Variants in CNTNAP2 observed in about 807,000 individuals in gnomAD.
CNTNAP2 encodes the protein contactin-associated protein-like 2.
CNTNAP2 carries 98 observed loss-of-function variants against 155.2 expected under a neutral mutation model. The observed-to-expected ratio is 0.63, with a 90% CI of 0.54 to 0.75. CNTNAP2 has a LOEUF of 0.75. Among genes scored for constraint, CNTNAP2 ranks in the 30% least tolerant of loss-of-function variants. The pLI, the probability that CNTNAP2 is intolerant of heterozygous loss-of-function variation, is 0.00. For synonymous variants in CNTNAP2, 651 were observed against 631.2 expected (o/e 1.03, Z -0.47); for missense variants, 1,727 against 1,688.1 (o/e 1.02, Z -0.40).
intron 1 of CNTNAP2, among the ~76,000 whole-genome samples, chr7:146,553,169 T>C (rs1798146487): frequency 6.6e-6 from 1 of 152,138 alleles, no homozygotes; most frequent in South Asian, 2.1e-4. Flanking sequence ...TCAGTAAACA[T>C]TTGTCAAATA....
intron 10 of CNTNAP2, among the ~76,000 whole-genome samples, chr7:147,402,709 T>C (rs999428912): frequency 2.0e-5 from 3 of 152,162 alleles, no homozygotes; most frequent in Admixed American, 6.5e-5. Context: ...ATATGTGTTG[T>C]TGGGGAGAGG....
At chr7:147,727,157 C>G (rs960816431) in intron 13 of CNTNAP2, among the ~76,000 whole-genome samples, 3 of 151,992 alleles carry the variant, frequency 2.0e-5, no homozygotes, top group Non-Finnish European at 4.4e-5. Flanking sequence ...GAGTGCCTCC[C>G]CAACCTACCT....
chr7:146,220,863 G>C (rs905559176), intron 1 of CNTNAP2, among the ~76,000 whole-genome samples: 17 of 152,196 alleles, frequency 1.1e-4, no homozygotes, highest in Admixed American at 9.2e-4. Context: ...GAACTGAAAA[G>C]AGAACAAGAG....
chr7:146,636,572 T>G (rs1011986243), intron 1 of CNTNAP2, among the ~76,000 whole-genome samples: 1 of 152,214 alleles, frequency 6.6e-6, no homozygotes, highest in African/African-American at 2.4e-5. Flanking sequence ...GGTCATTATT[T>G]TACAACCTAT....
Position 146,393,910 on chromosome 7 carries a change from C to T in CNTNAP2, c.97+276937C>T, listed in dbSNP as rs534791114. ...CATATTTTGTTCAAAGATGTGTGTA[C>T]ATTCAGTGTAACATAAATTTAATAT... On this transcript the variant is annotated intron_variant, in intron 1 of 23. Transcript: ENST00000361727. 7.2e-5 allele frequency among the ~76,000 whole-genome samples: 11 copies of T among 152,244 alleles called. 1 individual carries two copies. In the South Asian group the frequency reaches 2.3e-3, roughly 32 times the overall value.
intron 1 of CNTNAP2, among the ~76,000 whole-genome samples, chr7:146,337,659 G>A (rs1801301050): frequency 6.6e-6 from 1 of 151,888 alleles, no homozygotes; most frequent in Non-Finnish European, 1.5e-5. Flanking sequence ...TTGTAGAGAT[G>A]AGGTCTCATT....
intron 9 of CNTNAP2, among the ~76,000 whole-genome samples, chr7:147,342,285 A>G (rs1340842191): frequency 6.6e-6 from 1 of 152,172 alleles, no homozygotes; most frequent in Admixed American, 6.5e-5. Context: ...GCTAACTTAT[A>G]AGGCTTCTAA....
intron 13 of CNTNAP2, among the ~76,000 whole-genome samples, chr7:147,674,888 T>G (rs1297584706): frequency 6.6e-6 from 1 of 152,092 alleles, no homozygotes; most frequent in Admixed American, 6.6e-5. Context: ...CATATCTTTC[T>G]AAAAATTATG....
intron 14 of CNTNAP2, among the ~76,000 whole-genome samples, chr7:147,932,583 G>A (rs931346285): frequency 1.1e-4 from 17 of 152,214 alleles, no homozygotes; most frequent in East Asian, 3.9e-4. Context: ...AGACTTAAAC[G>A]TAAGACCTGA....
At chr7:146,938,322 A>G (rs1020528471) in intron 3 of CNTNAP2, among the ~76,000 whole-genome samples, 1 of 151,822 alleles carries the variant, frequency 6.6e-6, no homozygotes, top group South Asian at 2.1e-4. Context: ...ACAGCGCTTT[A>G]TATGTGTGTG....
chr7:146,492,240 GGA>G (rs754327611), intron 1 of CNTNAP2, among the ~76,000 whole-genome samples: 99 of 138,926 alleles, frequency 7.1e-4, no homozygotes, highest in African/African-American at 2.2e-3. Context: ...AGAGAGAGGG[GGA>G]GAGAGAGAGA....
At chr7:146,607,459 T>A (rs961970190) in intron 1 of CNTNAP2, among the ~76,000 whole-genome samples, 3 of 152,058 alleles carry the variant, frequency 2.0e-5, no homozygotes, top group African/African-American at 7.2e-5. Flanking sequence ...TCTTTTGTTT[T>A]TCTTTTTAAA....
intron 1 of CNTNAP2, among the ~76,000 whole-genome samples, chr7:146,497,651 A>G (rs1797238486): frequency 6.6e-6 from 1 of 151,850 alleles, no homozygotes; most frequent in Admixed American, 6.6e-5. Flanking sequence ...GTCAGAATTA[A>G]AAGAAGAGGT....
intron 2 of CNTNAP2, among the ~76,000 whole-genome samples, chr7:146,774,641 G>A (rs980866330): frequency 6.6e-6 from 1 of 152,046 alleles, no homozygotes. Flanking sequence ...GGATAATAAA[G>A]TCAAAATGGC....
intron 20 of CNTNAP2, among the ~76,000 whole-genome samples, chr7:148,235,212 C>A (rs978315211): frequency 6.6e-6 from 1 of 152,132 alleles, no homozygotes; most frequent in Non-Finnish European, 1.5e-5. Flanking sequence ...GAATTTCAAC[C>A]AAATTGTATA....
chr7:148,230,576 C>T (rs1405888522), intron 20 of CNTNAP2, among the ~76,000 whole-genome samples: 1 of 152,176 alleles, frequency 6.6e-6, no homozygotes, highest in Non-Finnish European at 1.5e-5. Flanking sequence ...GTTCAGCAGC[C>T]TCTCAGACCT....
chr7:146,311,259 G>A (rs1315971673), intron 1 of CNTNAP2, among the ~76,000 whole-genome samples: 4 of 152,076 alleles, frequency 2.6e-5, no homozygotes, highest in African/African-American at 9.7e-5. Flanking sequence ...GACAAATGAA[G>A]ACAAAGCAAA....
At chr7:148,120,127 G>T (rs1014284166) in intron 16 of CNTNAP2, among the ~76,000 whole-genome samples, 1 of 150,042 alleles carries the variant, frequency 6.7e-6, no homozygotes, top group African/African-American at 2.5e-5. Flanking sequence ...CTATAAAAGT[G>T]CTTGGATTCC....
chr7:146,637,237 G>A (rs1215938104), intron 1 of CNTNAP2, among the ~76,000 whole-genome samples: 2 of 152,168 alleles, frequency 1.3e-5, no homozygotes, highest in African/African-American at 4.8e-5. Flanking sequence ...TTGTAAAATA[G>A]TGAAGTTGCA....
Sources: gnomAD v4.1 joint callset for allele counts (sites outside exome capture counted in the v4.1 genomes callset) on GRCh38, gnomAD v4.1.1 for gene constraint, MANE v1.5 for transcripts, NCBI Gene and HGNC (gene_info 2026-07-23, HGNC 2026-07-21) for gene names.